PALS2: variants seen among roughly 807,000 people sequenced by gnomAD.
The protein encoded by PALS2 is protein PALS2.
PALS2 carries 27 observed loss-of-function variants against 61.6 expected under a neutral mutation model. The observed-to-expected ratio is 0.44, with a 90% CI of 0.32 to 0.60. The LOEUF (loss-of-function observed/expected upper bound fraction) is 0.60. Ranked by LOEUF, PALS2 falls within the 20% of genes least tolerant of loss-of-function variation. The pLI is 0.05. For missense variants in PALS2, 554 were observed against 639.4 expected, an observed-to-expected ratio of 0.87 and a Z score of 1.44; for synonymous variants, 236 against 218.6, an observed-to-expected ratio of 1.08 and a Z score of -0.70.
At chr7:24,587,710 T>G (rs1783126525) in intron 1 of PALS2, among the ~76,000 whole-genome samples, 4 of 151,672 alleles carry the variant, frequency 2.6e-5, no homozygotes, top group Admixed American at 1.3e-4. Flanking sequence ...GTGGCTTGAT[T>G]CTTATCAGAA....
At chr7:24,588,589 T>TA (rs1343378141) in intron 1 of PALS2, among the ~76,000 whole-genome samples, 14 of 152,310 alleles carry the variant, frequency 9.2e-5, no homozygotes, top group Admixed American at 8.5e-4. Flanking sequence ...TTTTTTAGTA[T>TA]ATAAAAAGTT....
chr7:24,621,470 T>A (rs1472787597), intron 1 of PALS2, among the ~76,000 whole-genome samples: 4 of 152,110 alleles, frequency 2.6e-5, no homozygotes, highest in African/African-American at 9.6e-5. Flanking sequence ...ATTTTGTTTT[T>A]AAAAATTGAG....
intron 1 of PALS2, among the ~76,000 whole-genome samples, chr7:24,581,740 G>A (rs528487778): frequency 4.6e-5 from 7 of 152,290 alleles, no homozygotes; most frequent in Admixed American, 6.5e-5. Context: ...TGATGAAGCC[G>A]AGAAACGTTA....
intron 1 of PALS2, among the ~76,000 whole-genome samples, chr7:24,584,669 A>G (rs1195178650): frequency 6.0e-4 from 91 of 151,832 alleles, no homozygotes; most frequent in African/African-American, 2.1e-3. Flanking sequence ...TAGTTTAATT[A>G]GATCCCATTT....
At chr7:24,648,854 G>A (rs1389552260) in intron 3 of PALS2, among the ~76,000 whole-genome samples, 3 of 146,412 alleles carry the variant, frequency 2.0e-5, no homozygotes, top group African/African-American at 7.8e-5. Flanking sequence ...GCAGTGAGCC[G>A]AGATCACACC....
At chr7:24,658,671 C>T (rs1265063808) in intron 5 of PALS2, among the ~76,000 whole-genome samples, 7 of 151,744 alleles carry the variant, frequency 4.6e-5, no homozygotes, top group African/African-American at 1.7e-4. Flanking sequence ...ATTCTCCTGC[C>T]TGAGCCTCCC....
intron 2 of PALS2, among the ~76,000 whole-genome samples, chr7:24,628,041 C>G (rs979083204): frequency 6.6e-6 from 1 of 152,198 alleles, no homozygotes; most frequent in Non-Finnish European, 1.5e-5. Flanking sequence ...ATCCTGATAA[C>G]AAAACCTGGC....
intron 10 of PALS2, among the ~76,000 whole-genome samples, chr7:24,679,936 T>C (rs1787830358): frequency 6.6e-6 from 1 of 152,204 alleles, no homozygotes. Context: ...AAATTCTATA[T>C]AGATTCTTCA....
intron 5 of PALS2, among the ~76,000 whole-genome samples, chr7:24,656,770 G>C (rs1202091984): frequency 6.6e-6 from 1 of 151,916 alleles, no homozygotes; most frequent in Non-Finnish European, 1.5e-5. Context: ...GTGCTCAAGC[G>C]ATCTGCCTGC....
At position 24,680,885 on chromosome 7, in the gene PALS2, C is replaced by T. The variant is rs181096335; in HGVS notation, c.1446+365C>T. 6.6e-5 allele frequency among the ~76,000 whole-genome samples: 10 copies of T among 152,302 alleles called. No homozygotes were observed. The East Asian group carries it at 7.7e-4, about 12-fold the overall frequency. On this transcript the variant is annotated intron_variant, in intron 11 of 11. Transcript: ENST00000222644. ...TGCTAGAACTACAGGCGTGAGCCAC[C>T]GTGCCTGGCCAACTCTTAGCTAATT...
At chr7:24,668,891 A>G (rs577141594) in intron 9 of PALS2, among the ~76,000 whole-genome samples, 9 of 152,224 alleles carry the variant, frequency 5.9e-5, no homozygotes, top group Non-Finnish European at 1.0e-4. Flanking sequence ...TCTCTAAACT[A>G]TTCAGTTCAG....
intron 3 of PALS2, among the ~76,000 whole-genome samples, chr7:24,646,225 T>G (rs1381539187): frequency 6.6e-6 from 1 of 152,208 alleles, no homozygotes; most frequent in East Asian, 1.9e-4. Context: ...ATCCTTGTCT[T>G]GTGCTGGTTT....
chr7:24,675,430 G>A (rs1302040083), intron 9 of PALS2, among the ~76,000 whole-genome samples: 2 of 147,738 alleles, frequency 1.4e-5, no homozygotes, highest in African/African-American at 2.5e-5. Flanking sequence ...TAGGGTACAT[G>A]TGCACAATGT....
chr7:24,679,020 C>T, intron 9 of PALS2, 111 bp from the exon 10 acceptor site: 1 of 841,894 alleles, frequency 1.2e-6, no homozygotes, highest in Non-Finnish European at 1.9e-6. Flanking sequence ...TGGTCATAGC[C>T]TACAGTTTGC....
chr7:24,656,729 C>T (rs924227598), intron 5 of PALS2, among the ~76,000 whole-genome samples: 4 of 152,046 alleles, frequency 2.6e-5, no homozygotes, highest in Non-Finnish European at 5.9e-5. Flanking sequence ...GACAGGGTTT[C>T]GCTACATTGT....
At chr7:24,646,925 G>A (rs1412389967) in intron 3 of PALS2, among the ~76,000 whole-genome samples, 1 of 152,036 alleles carries the variant, frequency 6.6e-6, no homozygotes, top group African/African-American at 2.4e-5. Flanking sequence ...AGGTTTTCTG[G>A]TTTGTGTGCA....
intron 1 of PALS2, among the ~76,000 whole-genome samples, chr7:24,607,042 C>G (rs1357675237): frequency 6.6e-6 from 1 of 152,022 alleles, no homozygotes; most frequent in East Asian, 1.9e-4. Flanking sequence ...TGTTGGTGCG[C>G]AAGAAATTTT....
intron 11 of PALS2, among the ~76,000 whole-genome samples, chr7:24,684,291 C>T (rs979007469): frequency 1.3e-5 from 2 of 151,970 alleles, no homozygotes; most frequent in Non-Finnish European, 2.9e-5. Context: ...GTAGAGATGG[C>T]GTTTCACCAT....
chr7:24,617,611 A>G (rs1457864814), intron 1 of PALS2, among the ~76,000 whole-genome samples: 1 of 151,934 alleles, frequency 6.6e-6, no homozygotes, highest in Non-Finnish European at 1.5e-5. Flanking sequence ...CTCTTTGCAG[A>G]TTCTTCAGCA....
Sources: allele counts gnomAD v4.1 joint callset (sites outside exome capture counted in the v4.1 genomes callset), GRCh38; gene constraint gnomAD v4.1.1; transcripts MANE v1.5; gene names NCBI Gene and HGNC (gene_info 2026-07-23, HGNC 2026-07-21).